Variants in DRC8 observed in about 807,000 individuals in gnomAD.
The protein encoded by DRC8 is dynein regulatory complex protein 8.
chr1:245,097,309 T>G, the DRC8 span, among the ~76,000 whole-genome samples: 1 of 152,052 alleles, frequency 6.6e-6, no homozygotes, highest in Admixed American at 6.6e-5. The surrounding 1 kb of genome is among the most constrained non-coding windows in gnomAD (Gnocchi z 5.0). Context: ...TCACTTGAGG[T>G]CAGGAGTTCG....
the DRC8 span, among the ~76,000 whole-genome samples, chr1:245,018,089 C>T: frequency 1.8e-4 from 27 of 151,752 alleles, no homozygotes; most frequent in Non-Finnish European, 3.5e-4. Flanking sequence ...TAGCCGGGCA[C>T]GATGGCAGGC....
At chr1:245,009,028 CTTTTTTTTT>C in the DRC8 span, among the ~76,000 whole-genome samples, 5 of 64,446 alleles carry the variant, frequency 7.8e-5, no homozygotes, top group African/African-American at 2.7e-4. Context: ...TTATGCTTTT[CTTTTTTTTT>C]TTTTTTTTTT....
chr1:245,044,173 T>C, the DRC8 span: 2 of 152,222 alleles, frequency 1.3e-5, no homozygotes, highest in Non-Finnish European at 2.9e-5. Flanking sequence ...TTGTGTCTAG[T>C]GTATGTGTGG....
chr1:245,007,786 C>T, the DRC8 span, among the ~76,000 whole-genome samples: 132 of 148,390 alleles, frequency 8.9e-4, no homozygotes, highest in South Asian at 0.012. Context: ...AGGTAAGCCA[C>T]GGGAGAATGA....
chr1:244,969,890 A>T, the DRC8 span: 1 of 443,394 alleles, frequency 2.3e-6, no homozygotes, highest in South Asian at 4.4e-5. Flanking sequence ...TGCGAATGGG[A>T]AGCGGGAGGA....
the DRC8 span, among the ~76,000 whole-genome samples, chr1:245,069,559 G>T: frequency 6.6e-6 from 1 of 152,168 alleles, no homozygotes; most frequent in African/African-American, 2.4e-5. Flanking sequence ...TACTGCATGT[G>T]AGGTATCCAA....
chr1:245,097,101 G>A, the DRC8 span, among the ~76,000 whole-genome samples: 1 of 152,158 alleles, frequency 6.6e-6, no homozygotes. This position sits in a 1 kb window ranked among gnomAD's most constrained non-coding sequence, Gnocchi z 5.0. Context: ...TAGGATGTCC[G>A]GGAGTAGGGA....
chr1:245,058,906 C>T, the DRC8 span, among the ~76,000 whole-genome samples: 3 of 152,182 alleles, frequency 2.0e-5, no homozygotes, highest in African/African-American at 7.2e-5. Flanking sequence ...TAGGCTTATG[C>T]ACACATTGAT....
chr1:245,043,437 G>GA, the DRC8 span, among the ~76,000 whole-genome samples: 3,722 of 134,386 alleles, frequency 0.028, 171 homozygotes, highest in African/African-American at 0.094. Context: ...TGTCTCAAAG[G>GA]AAAAAAAAAA....
At chr1:244,985,076 G>GTTTTTTTTTTTTTTTTTTTTTTTT in the DRC8 span, among the ~76,000 whole-genome samples, 1 of 130,806 alleles carries the variant, frequency 7.6e-6, no homozygotes, top group Non-Finnish European at 1.6e-5. Flanking sequence ...TGTCTCCAGG[G>GTTTTTTTTTTTTTTTTTTTTTTTT]TTTTTTTTTT....
chr1:245,083,549 A>G, the DRC8 span: 1 of 1,581,550 alleles, frequency 6.3e-7, no homozygotes, highest in Non-Finnish European at 8.6e-7. Context: ...ATACACACAT[A>G]TATGAAAAAT....
chr1:245,022,364 A>C, the DRC8 span, among the ~76,000 whole-genome samples: 190 of 151,298 alleles, frequency 1.3e-3, no homozygotes, highest in African/African-American at 4.4e-3. Context: ...GGGTTTTGCC[A>C]TGATAGCTAG....
At chr1:245,025,782 G>A in the DRC8 span, among the ~76,000 whole-genome samples, 1 of 152,090 alleles carries the variant, frequency 6.6e-6, no homozygotes, top group Non-Finnish European at 1.5e-5. Flanking sequence ...TGAATCATAG[G>A]GGCAGGTTTT....
chr1:245,119,953 T>G, the DRC8 span, among the ~76,000 whole-genome samples: 504 of 2,272 alleles, frequency 0.22, 5 homozygotes, highest in African/African-American at 0.38. Context: ...AAAAAATAAG[T>G]AAATAAGTAA....
chr1:245,109,879 C>T, the DRC8 span, among the ~76,000 whole-genome samples: 4 of 152,230 alleles, frequency 2.6e-5, no homozygotes, highest in African/African-American at 9.6e-5. Flanking sequence ...TGCTCCTTCT[C>T]ACCTAAATAG....
chr1:245,053,544 G>T, the DRC8 span, among the ~76,000 whole-genome samples: 3 of 152,246 alleles, frequency 2.0e-5, no homozygotes, highest in Non-Finnish European at 4.4e-5. Context: ...TGAGATATAG[G>T]TGGGCTAGTG....
chr1:245,086,624 A>C, the DRC8 span: 7 of 463,966 alleles, frequency 1.5e-5, no homozygotes, highest in Admixed American at 1.4e-4. Flanking sequence ...AGATCTCAGA[A>C]CAATTTTTTA....
At chr1:245,060,035 A>C in the DRC8 span, among the ~76,000 whole-genome samples, 1 of 152,314 alleles carries the variant, frequency 6.6e-6, no homozygotes, top group Admixed American at 6.5e-5. Flanking sequence ...CATTCGGTTC[A>C]ACAACAGAGA....
chr1:245,058,723 T>C, the DRC8 span, among the ~76,000 whole-genome samples: 4 of 152,260 alleles, frequency 2.6e-5, no homozygotes, highest in Non-Finnish European at 4.4e-5. Flanking sequence ...ATTTGTGGAA[T>C]TGAACTACGT....
Sources: allele counts gnomAD v4.1 joint callset (sites outside exome capture counted in the v4.1 genomes callset), GRCh38; gene constraint gnomAD v4.1.1; non-coding constraint Gnocchi (gnomAD v3.1); transcripts MANE v1.5; gene names NCBI Gene and HGNC (gene_info 2026-07-23, HGNC 2026-07-21).